The following NAALADL2 variants were observed in gnomAD, a reference collection of about 807,000 sequenced individuals.
NAALADL2 encodes N-acetylated alpha-linked acidic dipeptidase like 2.
A neutral mutation model predicts 87.2 loss-of-function variants in NAALADL2; 76 were observed. The observed-to-expected ratio is 0.87, with a 90% CI of 0.72 to 1.05. NAALADL2 has a LOEUF of 1.05. Among genes scored for constraint, NAALADL2 ranks in the 50% least tolerant of loss-of-function variants. The pLI is 0.00. For synonymous variants in NAALADL2, 354 were observed against 331.0 expected, an observed-to-expected ratio of 1.07 and a Z score of -0.75; for missense variants, 1,089 against 945.8, an observed-to-expected ratio of 1.15 and a Z score of -1.99.
At chr3:175,274,460 A>C (rs1360551387) in intron 4 of NAALADL2, among the ~76,000 whole-genome samples, 2 of 152,218 alleles carry the variant, frequency 1.3e-5, no homozygotes, top group African/African-American at 4.8e-5. Flanking sequence ...TCAGTCAACT[A>C]TTCAGCAGCT....
At chr3:174,661,817 A>G (rs928045065) in intron 2 of NAALADL2, among the ~76,000 whole-genome samples, 2 of 152,134 alleles carry the variant, frequency 1.3e-5, no homozygotes, top group African/African-American at 4.8e-5. Context: ...TGGTATACAC[A>G]TGCGTGCACG....
intron 2 of NAALADL2, among the ~76,000 whole-genome samples, chr3:175,173,304 T>TA (rs1735149208): frequency 3.2e-5 from 3 of 93,146 alleles, no homozygotes; most frequent in Non-Finnish European, 7.4e-5. Flanking sequence ...AATAAATAAA[T>TA]AAATAAAATA....
chr3:175,098,910 T>C (rs1173868529), intron 2 of NAALADL2, among the ~76,000 whole-genome samples: 4 of 151,306 alleles, frequency 2.6e-5, no homozygotes, highest in Non-Finnish European at 5.9e-5. Flanking sequence ...TTTTTTTCCC[T>C]GAGCATCTGG....
chr3:174,573,805 A>C (rs1715204736), intron 2 of NAALADL2, among the ~76,000 whole-genome samples: 1 of 152,120 alleles, frequency 6.6e-6, no homozygotes, highest in South Asian at 2.1e-4. Flanking sequence ...CATACTCATG[A>C]TCCAAACACT....
At chr3:175,477,244 T>C (rs1340421417) in intron 9 of NAALADL2, among the ~76,000 whole-genome samples, 2 of 152,156 alleles carry the variant, frequency 1.3e-5, no homozygotes, top group African/African-American at 4.8e-5. Context: ...AATCAATATA[T>C]AAATGCATCA....
At chr3:174,902,020 A>G (rs911625493) in intron 1 of NAALADL2, among the ~76,000 whole-genome samples, 2 of 152,072 alleles carry the variant, frequency 1.3e-5, no homozygotes, top group Non-Finnish European at 2.9e-5. Context: ...TAAAACTATA[A>G]TATATACACG....
chr3:174,832,154 T>C (rs1210391210), intron 3 of NAALADL2, among the ~76,000 whole-genome samples: 1 of 152,172 alleles, frequency 6.6e-6, no homozygotes, highest in African/African-American at 2.4e-5. Flanking sequence ...CTGCTAACTT[T>C]TGAATGTGTT....
At chr3:174,886,682 C>T (rs940268607) in intron 1 of NAALADL2, among the ~76,000 whole-genome samples, 14 of 152,100 alleles carry the variant, frequency 9.2e-5, no homozygotes, top group East Asian at 1.9e-4. Context: ...CTTTTCAAAG[C>T]GATATTCATT....
chr3:175,551,580 C>T (rs1714364036), intron 9 of NAALADL2, among the ~76,000 whole-genome samples: 2 of 152,168 alleles, frequency 1.3e-5, no homozygotes, highest in South Asian at 2.1e-4. Context: ...TTATTCTCCA[C>T]TGTACCACTT....
intron 2 of NAALADL2, among the ~76,000 whole-genome samples, chr3:175,128,536 C>A (rs903559492): frequency 3.3e-5 from 5 of 151,956 alleles, no homozygotes; most frequent in African/African-American, 1.2e-4. Context: ...GTTCTGTATT[C>A]TCATCATTGC....
At chr3:175,195,893 A>G (rs1738918648) in intron 2 of NAALADL2, among the ~76,000 whole-genome samples, 1 of 151,874 alleles carries the variant, frequency 6.6e-6, no homozygotes, top group Non-Finnish European at 1.5e-5. Flanking sequence ...AGTTCTTTCC[A>G]CTAAGTATCA....
At chr3:175,438,403 A>T (rs10433474) in intron 5 of NAALADL2, among the ~76,000 whole-genome samples, 7,366 of 152,148 alleles carry the variant, frequency 0.048, 423 homozygotes, top group East Asian at 0.14. Context: ...ATAAAAATGA[A>T]AAAACATTTG....
chr3:175,393,949 T>TAAGTA (rs1273101963), intron 5 of NAALADL2, among the ~76,000 whole-genome samples: 1 of 152,194 alleles, frequency 6.6e-6, no homozygotes, highest in Non-Finnish European at 1.5e-5. Context: ...GACACCTTTT[T>TAAGTA]AAGTACACAA....
intron 2 of NAALADL2, among the ~76,000 whole-genome samples, chr3:175,169,456 A>AATATATATATAT (rs141242519): frequency 0.013 from 1,929 of 147,062 alleles, 16 homozygotes; most frequent in Middle Eastern, 0.028. Context: ...TAGTTGTAAG[A>AATATATATATAT]ATATATATAT....
intron 5 of NAALADL2, among the ~76,000 whole-genome samples, chr3:175,341,702 A>G (rs1029244562): frequency 6.6e-6 from 1 of 152,128 alleles, no homozygotes; most frequent in African/African-American, 2.4e-5. Context: ...GTTATTTTTT[A>G]AAATTATAAT....
intron 2 of NAALADL2, among the ~76,000 whole-genome samples, chr3:175,169,925 G>T (rs777821595): frequency 6.7e-6 from 1 of 150,232 alleles, no homozygotes. Context: ...ATATTTCAAA[G>T]CATTTCCTTG....
intron 2 of NAALADL2, among the ~76,000 whole-genome samples, chr3:175,205,192 T>C: frequency 6.6e-6 from 1 of 152,166 alleles, no homozygotes; most frequent in Non-Finnish European, 1.5e-5. Context: ...TCACACTACC[T>C]GATTTCAAAC....
At chr3:174,864,899 G>A (rs1192818961) in intron 1 of NAALADL2, among the ~76,000 whole-genome samples, 1 of 151,964 alleles carries the variant, frequency 6.6e-6, no homozygotes, top group Non-Finnish European at 1.5e-5. Flanking sequence ...GAAATAACAG[G>A]TGACTGCAAA....
chr3:175,360,826 ATGTGTGTGTG>A (rs1553873565), intron 5 of NAALADL2, among the ~76,000 whole-genome samples: 1 of 66,650 alleles, frequency 1.5e-5, no homozygotes, highest in Non-Finnish European at 2.6e-5. Flanking sequence ...GTGTGTGTGT[ATGTGTGTGTG>A]TGTGTGTGTG....
Sources: gnomAD v4.1 joint callset for allele counts (sites outside exome capture counted in the v4.1 genomes callset) on GRCh38, gnomAD v4.1.1 for gene constraint, MANE v1.5 for transcripts, NCBI Gene and HGNC (gene_info 2026-07-23, HGNC 2026-07-21) for gene names.